Variants in SPCS3 observed in about 807,000 individuals in gnomAD.
SPCS3 encodes the protein SPase 22 kDa subunit.
In SPCS3, 9 loss-of-function variants were observed where a neutral mutation model predicts 17.2. The observed-to-expected ratio is 0.52, with a 90% CI of 0.31 to 0.91. The LOEUF (loss-of-function observed/expected upper bound fraction) is 0.91, where lower values mean the gene tolerates loss of function less well. SPCS3 is among the 40% of genes least tolerant of loss of function. The probability of loss-of-function intolerance (pLI) is 0.04; values close to 1 mark genes in which losing one functional copy is unlikely to be tolerated. For missense variants in SPCS3, 139 were observed against 217.5 expected, an observed-to-expected ratio of 0.64 and a Z score of 2.27; for synonymous variants, 87 against 89.6, an observed-to-expected ratio of 0.97 and a Z score of 0.16.
chr4:176,328,708 A>G lies in SPCS3; in HGVS notation c.*378A>G, dbSNP rs1045236967. 1.3e-5 allele frequency: 2 copies of G among 152,742 alleles called. No individual in the cohort carries two copies. The highest frequency in any genetic ancestry group is 2.4e-5 in the African/African-American group (1 of 41,480). The allele number at this position is 152,742 out of a possible 1,614,324, so 9.5% of individuals were successfully genotyped here. A position where few individuals can be genotyped will look rare whatever the true frequency, so the allele number is the denominator to read the frequency against. On this transcript the variant is annotated 3_prime_UTR_variant, in exon 5 of 5. Transcript: ENST00000503362. The stretch of plus-strand genomic sequence containing the variant: ...GTGCCTGTAGAGTCATAATAACTGT[A>G]TTTTATGCCTTGCATTCACGCAAAT...
In SPCS3 at chr4:176,319,982, C is replaced by A. The variant is rs950223039; in HGVS notation, c.-95C>A. Reference sequence around the variant, plus strand: ...GCGGCGCGCGCTCCCGGAACGCGCGCACCGCAGACGGCGCGGATCGCAGGG... The same window carrying A: ...GCGGCGCGCGCTCCCGGAACGCGCGAACCGCAGACGGCGCGGATCGCAGGG... On this transcript the variant is annotated 5_prime_UTR_variant, in exon 1 of 5. Coordinates refer to ENST00000503362, the MANE Select transcript of SPCS3 (RefSeq NM_021928.4). 1.5e-6 allele frequency: 2 copies of A among 1,353,684 alleles called. No homozygotes were observed. The highest frequency in any genetic ancestry group is 2.9e-5 in the East Asian group (1 of 34,614). The allele number at this position is 1,353,684 out of a possible 1,614,324, so 83.9% of individuals were successfully genotyped here.
At position 176,330,349 on chromosome 4, in the gene SPCS3, A is replaced by C. The variant is rs559000193; in HGVS notation, c.*2019A>C. 5 of 152,338 alleles carry C rather than the reference A, an allele frequency of 3.3e-5. No individual in the cohort carries two copies. The highest frequency in any genetic ancestry group is 1.2e-4 in the African/African-American group (5 of 41,582). 9.4% of individuals were successfully genotyped at this position (152,338 alleles called of 1,614,324 possible). Reference sequence around the variant, plus strand: ...GTCCTCTTTAAAGGCATGTGCGATAAGCCTGCAGTCTTAACCAGACCTGGT... The same window carrying C: ...GTCCTCTTTAAAGGCATGTGCGATACGCCTGCAGTCTTAACCAGACCTGGT... On this transcript the variant is annotated 3_prime_UTR_variant, in exon 5 of 5. Coordinates refer to ENST00000503362, the MANE Select transcript of SPCS3 (RefSeq NM_021928.4).
Position 176,328,449 on chromosome 4 carries a change from T to A in SPCS3, c.*119T>A. 1 of 783,690 alleles carries A rather than the reference T, an allele frequency of 1.3e-6. No homozygotes were observed. Among genetic ancestry groups the A allele is most frequent in the Non-Finnish European group, 1.8e-6 (1 of 557,096 alleles). 48.5% of individuals were successfully genotyped at this position (783,690 alleles called of 1,614,324 possible). On this transcript the variant is annotated 3_prime_UTR_variant, in exon 5 of 5. Transcript: ENST00000503362. ...TTTTGGTTTTGGGTTTTTTTTTTTT[T>A]TTTTTTGGTATAAGAACTAACATCA...
rs1731654118 is a variant in SPCS3 at position 176,329,485 on chromosome 4, C to T, written c.*1155C>T. 6.6e-6 allele frequency: 1 copy of T among 152,152 alleles called. No homozygotes were observed. Among genetic ancestry groups the T allele is most frequent in the African/African-American group, 2.4e-5 (1 of 41,454 alleles). 9.4% of individuals were successfully genotyped at this position (152,152 alleles called of 1,614,324 possible). A position where few individuals can be genotyped will look rare whatever the true frequency, so the allele number is the denominator to read the frequency against. The stretch of plus-strand genomic sequence containing the variant: ...TTCCTGATATTTTTGTTACCCTGGA[C>T]ACCCTTTCTATTCTAGAAAAGGTTT... On this transcript the variant is annotated 3_prime_UTR_variant, in exon 5 of 5. Transcript: ENST00000503362.
chr4:176,322,805 A>G (rs941033539), intron 2 of SPCS3, among the ~76,000 whole-genome samples: 8 of 152,124 alleles, frequency 5.3e-5, no homozygotes, highest in Admixed American at 4.6e-4. Context: ...TGGTGGTGAT[A>G]TTTAAATATT....
rs770228869 is a variant in SPCS3 at position 176,328,186 on chromosome 4, A to G, written c.411-12A>G. On this transcript the variant is annotated splice_polypyrimidine_tract_variant and intron_variant, in intron 4 of 4. Coordinates refer to ENST00000503362, the MANE Select transcript of SPCS3 (RefSeq NM_021928.4). ...GTCTCTGATGACTTGTGTTTATTATATCTTTTTATAGGGGAAACAGGAATG... is the reference window on the plus strand; with the variant it reads ...GTCTCTGATGACTTGTGTTTATTATGTCTTTTTATAGGGGAAACAGGAATG... The G allele has an allele frequency of 6.2e-6, 10 of 1,609,384 alleles. No individual in the cohort carries two copies. Among genetic ancestry groups the G allele is most frequent in the Non-Finnish European group, 2.5e-6 (3 of 1,178,634 alleles).
chr4:176,323,806 A>C (rs150256906), intron 2 of SPCS3, among the ~76,000 whole-genome samples: 4 of 149,960 alleles, frequency 2.7e-5, no homozygotes, highest in African/African-American at 7.3e-5. Flanking sequence ...TATACTTTAG[A>C]GCTCCAGTGG....
chr4:176,321,303 T>G (rs1731535199), intron 1 of SPCS3: 1 of 152,220 alleles, frequency 6.6e-6, no homozygotes. Context: ...GAACAGATGT[T>G]AGCTGTTGTT....
intron 1 of SPCS3, chr4:176,321,541 C>G (rs1731538749): frequency 6.6e-6 from 1 of 152,250 alleles, no homozygotes; most frequent in Non-Finnish European, 1.5e-5. Flanking sequence ...CGGATAGCAC[C>G]AAACCCTATA....
At chr4:176,325,119 A>G (rs1294629588) in intron 3 of SPCS3, among the ~76,000 whole-genome samples, 2 of 148,658 alleles carry the variant, frequency 1.3e-5, no homozygotes, top group Admixed American at 1.4e-4. Context: ...TAGCGCCGTC[A>G]ATCTCAGCTC....
chr4:176,326,060 G>A (rs1041992666), intron 3 of SPCS3, among the ~76,000 whole-genome samples: 1 of 152,152 alleles, frequency 6.6e-6, no homozygotes, highest in Non-Finnish European at 1.5e-5. Flanking sequence ...AGCACTTTGG[G>A]AGGCTGAGGC....
intron 2 of SPCS3, 59 bp from the exon 3 acceptor site, chr4:176,324,122 A>G: frequency 1.2e-6 from 1 of 851,424 alleles, no homozygotes; most frequent in Non-Finnish European, 1.6e-6. Flanking sequence ...AAGAATAATT[A>G]AGATCTATTT....
At position 176,330,753 on chromosome 4, in the gene SPCS3, T is replaced by C. The variant is rs1303741941; in HGVS notation, c.*2423T>C. 1 of 152,214 alleles carries C rather than the reference T, an allele frequency of 6.6e-6. No homozygotes were observed. The highest frequency in any genetic ancestry group is 1.5e-5 in the Non-Finnish European group (1 of 68,028). The allele number at this position is 152,214 out of a possible 1,614,324, so 9.4% of individuals were successfully genotyped here. On this transcript the variant is annotated 3_prime_UTR_variant, in exon 5 of 5. Coordinates refer to ENST00000503362, the MANE Select transcript of SPCS3 (RefSeq NM_021928.4). ...ACAAAGACACAAAGCTTCAGGCTTATACAAAACTGAGTATGATTAGAAATA... is the reference window on the plus strand; with the variant it reads ...ACAAAGACACAAAGCTTCAGGCTTACACAAAACTGAGTATGATTAGAAATA...
In SPCS3 at chr4:176,329,188, A is replaced by T. The variant is rs1275303287; in HGVS notation, c.*858A>T. On this transcript the variant is annotated 3_prime_UTR_variant, in exon 5 of 5. Coordinates refer to ENST00000503362, the MANE Select transcript of SPCS3 (RefSeq NM_021928.4). The stretch of plus-strand genomic sequence containing the variant: ...TTTGTAGGTCTATATTTTAATAATT[A>T]TTGGGATAATAATAATTGTGGTATG... 1 of 152,106 alleles carries T rather than the reference A, an allele frequency of 6.6e-6. No homozygotes were observed. The highest frequency in any genetic ancestry group is 1.5e-5 in the Non-Finnish European group (1 of 67,976). The allele number at this position is 152,106 out of a possible 1,614,324, so 9.4% of individuals were successfully genotyped here. A position where few individuals can be genotyped will look rare whatever the true frequency, so the allele number is the denominator to read the frequency against.
In SPCS3 at chr4:176,331,878, C is replaced by A. The variant is rs528595280; in HGVS notation, c.*3548C>A. Reference sequence around the variant, plus strand: ...TGTTAGGATAACAGGTGTGAGCCACCGTGCCCGGCTGAAGATTTTTCTTAA... The same window carrying A: ...TGTTAGGATAACAGGTGTGAGCCACAGTGCCCGGCTGAAGATTTTTCTTAA... On this transcript the variant is annotated 3_prime_UTR_variant, in exon 5 of 5. Transcript: ENST00000503362. 6.6e-6 allele frequency: 1 copy of A among 152,178 alleles called. No individual in the cohort carries two copies. The highest frequency in any genetic ancestry group is 1.5e-5 in the Non-Finnish European group (1 of 68,040). The allele number at this position is 152,178 out of a possible 1,614,324, so 9.4% of individuals were successfully genotyped here.
At chr4:176,321,647 C>T (rs1731540461) in intron 1 of SPCS3, 1 of 152,342 alleles carries the variant, frequency 6.6e-6, no homozygotes, top group African/African-American at 2.4e-5. Flanking sequence ...CATAATAGAA[C>T]TGTAACAATA....
At chr4:176,326,052 C>A (rs950275737) in intron 3 of SPCS3, among the ~76,000 whole-genome samples, 1 of 152,140 alleles carries the variant, frequency 6.6e-6, no homozygotes, top group Non-Finnish European at 1.5e-5. Flanking sequence ...GTAATCCCAG[C>A]ACTTTGGGAG....
In SPCS3 at chr4:176,319,996, C is replaced by G. The variant is rs1259496042; in HGVS notation, c.-81C>G. The G allele has an allele frequency of 5.8e-6, 8 of 1,383,872 alleles. No homozygotes were observed. The highest frequency in any genetic ancestry group is 1.7e-5 in the South Asian group (1 of 58,642). 85.7% of individuals were successfully genotyped at this position (1,383,872 alleles called of 1,614,324 possible). ...CGGAACGCGCGCACCGCAGACGGCG[C>G]GGATCGCAGGGAGCCGGTCCGCCGC... On this transcript the variant is annotated 5_prime_UTR_variant, in exon 1 of 5. Transcript: ENST00000503362.
Position 176,328,990 on chromosome 4 carries a change from AG to A in SPCS3, c.*662del, listed in dbSNP as rs1335560426. On this transcript the variant is annotated 3_prime_UTR_variant, in exon 5 of 5. Coordinates refer to ENST00000503362, the MANE Select transcript of SPCS3 (RefSeq NM_021928.4). ...ATTCTAATTCATTTTAAAATCTTTT[AG>A]GTCAGCAAAATGTGTGTCTTCAGTG... The A allele has an allele frequency of 1.3e-5, 2 of 152,092 alleles. No homozygotes were observed. Among genetic ancestry groups the A allele is most frequent in the African/African-American group, 2.4e-5 (1 of 41,448 alleles). The allele number at this position is 152,092 out of a possible 1,614,324, so 9.4% of individuals were successfully genotyped here.
Sources: gnomAD v4.1 joint callset for allele counts (sites outside exome capture counted in the v4.1 genomes callset) on GRCh38, gnomAD v4.1.1 for gene constraint, MANE v1.5 for transcripts, NCBI Gene and HGNC (gene_info 2026-07-23, HGNC 2026-07-21) for gene names.